The following MTREX variants were observed in gnomAD, a reference collection of about 807,000 sequenced individuals.
The protein encoded by MTREX is exosome RNA helicase MTR4.
MTREX carries 76 observed loss-of-function variants against 135.4 expected under a neutral mutation model. The observed-to-expected ratio is 0.56, with a 90% CI of 0.47 to 0.68. The LOEUF (loss-of-function observed/expected upper bound fraction) is 0.68. Ranked by LOEUF, MTREX falls within the 30% of genes least tolerant of loss-of-function variation. The probability of loss-of-function intolerance (pLI) is 0.00; values close to 1 mark genes in which losing one functional copy is unlikely to be tolerated. For missense variants in MTREX, 920 were observed against 1,262.1 expected, an observed-to-expected ratio of 0.73 and a Z score of 4.11; for synonymous variants, 404 against 401.6, an observed-to-expected ratio of 1.01 and a Z score of -0.07.
chr5:55,347,178 T>C (rs753118175), intron 11 of MTREX, 34 bp downstream of exon 11: 2 of 1,557,420 alleles, frequency 1.3e-6, no homozygotes, highest in Non-Finnish European at 8.7e-7. Flanking sequence ...TTTAATGTTA[T>C]GTGAAAATGA....
chr5:55,356,546 C>A, intron 14 of MTREX: 1 of 200,996 alleles, frequency 5.0e-6, no homozygotes, highest in South Asian at 9.8e-5. Flanking sequence ...GCAGTGTAGT[C>A]ATATGAGCTC....
chr5:55,393,388 T>C (rs1451128907), intron 19 of MTREX, among the ~76,000 whole-genome samples: 1 of 152,242 alleles, frequency 6.6e-6, no homozygotes, highest in Non-Finnish European at 1.5e-5. Context: ...TGCAAATTAA[T>C]CAATAGCACA....
In MTREX at chr5:55,388,070, C is replaced by G; in HGVS notation, c.2149C>G (p.Pro717Ala). ...LKNSATEAAK[P>A]AKPDEKGEMQ... The stretch of plus-strand genomic sequence containing the variant: ...AAATTCAGCTACAGAAGCTGCAAAA[C>G]CAGCTAAACCTGATGAGAAAGGAGA... The change falls in exon 19 of 27, where the codon CCA becomes GCA. Residue 717 changes from proline (P) to alanine (A), a missense_variant. By Grantham distance (27) the Pro-to-Ala change is conservative. Around this residue, in one of 6 missense-constraint regions of MTREX, gnomAD observed 467 missense variants for 589.7 expected, o/e 0.79. Transcript: ENST00000230640. 1 of 1,607,994 alleles carries G rather than the reference C, an allele frequency of 6.2e-7. No homozygotes were observed. The highest frequency in any genetic ancestry group is 8.5e-7 in the Non-Finnish European group (1 of 1,175,812).
At chr5:55,322,496 C>G in intron 2 of MTREX, 32 bp downstream of exon 2, 1 of 1,508,616 alleles carries the variant, frequency 6.6e-7, no homozygotes, top group East Asian at 2.4e-5. Flanking sequence ...ATGTTAGTAA[C>G]TCATAATTCA....
chr5:55,376,673 G>C (rs1451486579), intron 16 of MTREX, among the ~76,000 whole-genome samples: 1 of 152,244 alleles, frequency 6.6e-6, no homozygotes, highest in Non-Finnish European at 1.5e-5. Context: ...AGGACATAGT[G>C]CTAGGCTACT....
chr5:55,344,695 A>C, intron 9 of MTREX, 75 bp downstream of exon 9: 5 of 831,806 alleles, frequency 6.0e-6, no homozygotes, highest in Non-Finnish European at 9.2e-6. Context: ...GTTGTTTTTA[A>C]ATTTTGAATT....
At chr5:55,320,595 C>T (rs1561185172) in intron 1 of MTREX, among the ~76,000 whole-genome samples, 1 of 152,154 alleles carries the variant, frequency 6.6e-6, no homozygotes, top group Non-Finnish European at 1.5e-5. Flanking sequence ...AACACATCCA[C>T]GCAGCCACCA....
rs778550777 is a variant in MTREX, at chr5:55,340,186, TA to T, written c.690+4del. 3 of 1,542,392 alleles carry T rather than the reference TA, an allele frequency of 1.9e-6. No individual in the cohort carries two copies. The highest frequency in any genetic ancestry group is 2.6e-6 in the Non-Finnish European group (3 of 1,144,730). ...TCTTGTCTTGTTATGACCACAGAGG[TA>T]ATTCATGTAGTGCCTCATCTGACTT... On this transcript the variant is annotated splice_donor_region_variant and intron_variant, in intron 6 of 26. Transcript: ENST00000230640.
chr5:55,413,901 C>A (rs1339359624), intron 23 of MTREX, among the ~76,000 whole-genome samples: 1 of 152,108 alleles, frequency 6.6e-6, no homozygotes, highest in African/African-American at 2.4e-5. Flanking sequence ...TCCCTCAGTT[C>A]CATATGTAAT....
At chr5:55,343,499 T>C in intron 8 of MTREX, 44 bp downstream of exon 8, 1 of 1,550,600 alleles carries the variant, frequency 6.4e-7, no homozygotes, top group Non-Finnish European at 8.8e-7. Flanking sequence ...TTCAAAATGT[T>C]ACAGATTAGT....
chr5:55,387,573 A>G (rs988906597), intron 18 of MTREX, among the ~76,000 whole-genome samples: 1 of 152,142 alleles, frequency 6.6e-6, no homozygotes, highest in African/African-American at 2.4e-5. Context: ...CTAAAAGACA[A>G]TAAAAATTGG....
At chr5:55,416,241 A>T (rs1750963939) in intron 25 of MTREX, 109 bp downstream of exon 25, 5 of 670,850 alleles carry the variant, frequency 7.5e-6, no homozygotes, top group Non-Finnish European at 9.5e-6. Context: ...TGGTAACTAA[A>T]TGAAATCTTC....
intron 20 of MTREX, among the ~76,000 whole-genome samples, chr5:55,398,542 T>C (rs148439920): frequency 2.4e-3 from 372 of 152,264 alleles, no homozygotes; most frequent in African/African-American, 8.6e-3. Flanking sequence ...ATAAATATCT[T>C]ATAAGTTCAT....
At chr5:55,334,699 A>G (rs1749526465) in intron 5 of MTREX, among the ~76,000 whole-genome samples, 1 of 152,076 alleles carries the variant, frequency 6.6e-6, no homozygotes, top group East Asian at 1.9e-4. Context: ...GAAGACTTCC[A>G]TCTATTTAGT....
intron 22 of MTREX, among the ~76,000 whole-genome samples, chr5:55,407,617 T>C (rs1750827340): frequency 6.6e-6 from 1 of 152,150 alleles, no homozygotes; most frequent in African/African-American, 2.4e-5. Flanking sequence ...CTCTCACCCA[T>C]TTTGCCTTTT....
Position 55,422,936 on chromosome 5 carries a change from A to G in MTREX, c.3030A>G (p.Ala1010=), listed in dbSNP as rs1043492824. 2 of 1,614,076 alleles carry G rather than the reference A, an allele frequency of 1.2e-6. No individual in the cohort carries two copies. The highest frequency in any genetic ancestry group is 2.7e-5 in the African/African-American group (2 of 74,952). The change falls in exon 26 of 27, where the codon GCA becomes GCG. Residue 1010 remains alanine (A), a synonymous_variant. Transcript: ENST00000230640. ...AATTGCTTCGACAAATGTGTCAAGC[A>G]GCAAAAGCCATTGGAAACACTGAGC... ...LEELLRQMCQ[A]AKAIGNTELE... is the part of the protein sequence containing the mutation.
In MTREX at chr5:55,405,601, T is replaced by C. The variant is rs770611623; in HGVS notation, c.2645+13T>C. The C allele has an allele frequency of 6.3e-7, 1 of 1,594,818 alleles. No homozygotes were observed. The highest frequency in any genetic ancestry group is 1.8e-5 in the Admixed American group (1 of 56,552). The stretch of plus-strand genomic sequence containing the variant: ...GTGAGATAAGCAGGTAAAATCTGGT[T>C]ATTGTTCTAGAAAGTTCATTTTTTT... On this transcript the variant is annotated intron_variant, in intron 22 of 26. Coordinates refer to ENST00000230640, the MANE Select transcript of MTREX (RefSeq NM_015360.5).
Position 55,344,607 on chromosome 5 carries a change from T to C in MTREX, c.992T>C (p.Val331Ala). 1 of 1,597,628 alleles carries C rather than the reference T, an allele frequency of 6.3e-7. No homozygotes were observed. Among genetic ancestry groups the C allele is most frequent in the Non-Finnish European group, 8.6e-7 (1 of 1,166,314 alleles). The change falls in exon 9 of 27, where the codon GTG (valine) becomes GCG (alanine). Residue 331 changes from valine (V) to alanine (A), a missense_variant. Val to Ala is a moderately conservative substitution (Grantham distance 64). Transcript: ENST00000230640. Reference protein sequence around the residue: ...FPAGGDGLHLVVDENGDFRED... With the variant: ...FPAGGDGLHLAVDENGDFRED... The stretch of plus-strand genomic sequence containing the variant: ...GCAGGGGGAGATGGCCTGCATCTTG[T>C]GGTTGATGAAAATGTAAGAGAGTAA...
chr5:55,346,999 T>G lies in MTREX; in HGVS notation c.1109-14T>G. On this transcript the variant is annotated splice_polypyrimidine_tract_variant and intron_variant, in intron 10 of 26. Coordinates refer to ENST00000230640, the MANE Select transcript of MTREX (RefSeq NM_015360.5). ...TTTGAGTTAATTTTGGTGTGTTGTT[T>G]ACTGTTTTTGCAGGACCATCAAATG... 6.3e-7 allele frequency: 1 copy of G among 1,595,700 alleles called. No homozygotes were observed. The highest frequency in any genetic ancestry group is 8.5e-7 in the Non-Finnish European group (1 of 1,173,606).
Sources: gnomAD v4.1 joint callset for allele counts (sites outside exome capture counted in the v4.1 genomes callset) on GRCh38, gnomAD v4.1.1 for gene constraint, gnomAD v4.1.1 regional missense constraint, MANE v1.5 for transcripts, NCBI Gene and HGNC (gene_info 2026-07-23, HGNC 2026-07-21) for gene names.